The following AKAP7 variants were observed in gnomAD, a reference collection of about 807,000 sequenced individuals.
The protein encoded by AKAP7 is A kinase (PRKA) anchor protein 7.
AKAP7 carries 39 observed loss-of-function variants against 39.5 expected under a neutral mutation model. That is an observed-to-expected ratio of 0.99 (90% CI 0.76 to 1.29). The LOEUF is 1.29. AKAP7 is among the 50% of genes most tolerant of loss of function. The pLI is 0.00. For missense variants in AKAP7, 414 were observed against 407.7 expected, an observed-to-expected ratio of 1.02 and a Z score of -0.13; for synonymous variants, 140 against 139.1, an observed-to-expected ratio of 1.01 and a Z score of -0.05.
intron 2 of AKAP7, among the ~76,000 whole-genome samples, chr6:131,148,618 C>T (rs922281893): frequency 1.5e-4 from 23 of 152,120 alleles, no homozygotes; most frequent in African/African-American, 5.3e-4. Context: ...ACAACTTACT[C>T]TCTCAGTTTT....
At chr6:131,152,993 G>A (rs1347069647) in intron 2 of AKAP7, among the ~76,000 whole-genome samples, 2 of 152,032 alleles carry the variant, frequency 1.3e-5, no homozygotes, top group African/African-American at 4.8e-5. Flanking sequence ...AGCTGGGCAT[G>A]GTGGCGTGTG....
At chr6:131,226,147 C>A (rs186474001) in intron 7 of AKAP7, among the ~76,000 whole-genome samples, 1 of 152,314 alleles carries the variant, frequency 6.6e-6, no homozygotes, top group African/African-American at 2.4e-5. Flanking sequence ...CCCACTTACC[C>A]TGTTGTTCTT....
chr6:131,175,353 G>T (rs1804477347), intron 5 of AKAP7, among the ~76,000 whole-genome samples: 1 of 152,116 alleles, frequency 6.6e-6, no homozygotes, highest in Non-Finnish European at 1.5e-5. Flanking sequence ...TCAAACCTGT[G>T]TTGTTCAAAG....
At chr6:131,246,651 G>A (rs1432183765) in intron 7 of AKAP7, among the ~76,000 whole-genome samples, 1 of 152,126 alleles carries the variant, frequency 6.6e-6, no homozygotes, top group Non-Finnish European at 1.5e-5. Flanking sequence ...CCAAGATGTG[G>A]CAGGCAACAG....
Position 131,282,235 on chromosome 6 carries a change from T to TCGG in AKAP7, c.*509_*510insCGG. 1 of 1,345,018 alleles carries TCGG rather than the reference T, an allele frequency of 7.4e-7. No homozygotes were observed. The highest frequency in any genetic ancestry group is 2.8e-5 in the East Asian group (1 of 36,344). The allele number at this position is 1,345,018 out of a possible 1,614,324, so 83.3% of individuals were successfully genotyped here. A position where few individuals can be genotyped will look rare whatever the true frequency, so the allele number is the denominator to read the frequency against. ...TGTGCTGTTGCTATGCAGTGTGATC[T>TCGG]TTATTTATAGTAAATTATGTTTCAT... On this transcript the variant is annotated 3_prime_UTR_variant, in exon 8 of 8. Transcript: ENST00000431975.
At chr6:131,133,588 T>A (rs1800375048), upstream of AKAP7, among the ~76,000 whole-genome samples, 1 of 152,236 alleles carries the variant, frequency 6.6e-6, no homozygotes, top group African/African-American at 2.4e-5. Context: ...GCATTTGGGC[T>A]GTTACCTCTG....
intron 5 of AKAP7, chr6:131,184,392 C>T: frequency 1.5e-6 from 1 of 663,130 alleles, no homozygotes; most frequent in Non-Finnish European, 2.9e-6. Flanking sequence ...CAGGTGGCAC[C>T]TCCAACTTCC....
chr6:131,270,146 A>C (rs1266010636), intron 7 of AKAP7, among the ~76,000 whole-genome samples: 1 of 152,216 alleles, frequency 6.6e-6, no homozygotes, highest in Non-Finnish European at 1.5e-5. Context: ...TGTCAGTTGT[A>C]ATCAGCACAG....
intron 6 of AKAP7, among the ~76,000 whole-genome samples, chr6:131,217,969 A>C (rs1009892357): frequency 6.6e-6 from 1 of 152,118 alleles, no homozygotes; most frequent in Non-Finnish European, 1.5e-5. Context: ...ATTTACTTTG[A>C]ATGTTTTTAT....
At chr6:131,131,958 T>C (rs1372948332), upstream of AKAP7, among the ~76,000 whole-genome samples, 1 of 152,200 alleles carries the variant, frequency 6.6e-6, no homozygotes, top group Non-Finnish European at 1.5e-5. Context: ...TTAAAAATCT[T>C]AAAAATCCCT....
In AKAP7 at chr6:131,185,309, T is replaced by A. The variant is rs188817612; in HGVS notation, c.590-14152T>A. 26 of 487,942 alleles carry A rather than the reference T, an allele frequency of 5.3e-5. 1 individual carries two copies. The highest frequency in any genetic ancestry group is 4.2e-4 in the South Asian group (23 of 54,444). 30.2% of individuals were successfully genotyped at this position (487,942 alleles called of 1,614,324 possible). A position where few individuals can be genotyped will look rare whatever the true frequency, so the allele number is the denominator to read the frequency against. On this transcript the variant is annotated intron_variant, in intron 5 of 7. Transcript: ENST00000431975. The stretch of plus-strand genomic sequence containing the variant: ...CCAGAGGCCAATCCTAGAACCTGGT[T>A]ACTTCTTCATCCAGCTGTAATAATT...
intron 7 of AKAP7, among the ~76,000 whole-genome samples, chr6:131,247,669 C>T (rs1469467710): frequency 6.6e-6 from 1 of 152,010 alleles, no homozygotes; most frequent in Non-Finnish European, 1.5e-5. Context: ...CACTCCTGCA[C>T]TCAGGCTGGA....
At position 131,145,368 on chromosome 6, in the gene AKAP7, C is replaced by G. The variant is rs1216641341; in HGVS notation, c.103C>G (p.Leu35Val). 1.3e-6 allele frequency: 2 copies of G among 1,568,608 alleles called. No individual in the cohort carries two copies. Among genetic ancestry groups the G allele is most frequent in the Non-Finnish European group, 1.7e-6 (2 of 1,156,320 alleles). ...EEFEANTMDS[L>V]VDMPFATVDI... ...ATTTGAAGCCAATACTATGGATTCT[C>G]TGGTAGACATGCCATTTGCTACTGT... Residue 35 changes from leucine to valine, a missense_variant, in exon 2 of 8, where the codon CTG becomes GTG. By Grantham distance (32) the Leu-to-Val change is conservative (BLOSUM62 1). Transcript: ENST00000431975.
In AKAP7 at chr6:131,281,600, G is replaced by A. The variant is rs780216925; in HGVS notation, c.921G>A (p.Ala307=). ...TCAGTAAGAGGCTGGTGGAGAACGCGGTGCTCAAGGCTGTCCAGCAGTATC... is the reference window on the plus strand; with the variant it reads ...TCAGTAAGAGGCTGGTGGAGAACGCAGTGCTCAAGGCTGTCCAGCAGTATC... ...VRLSKRLVEN[A]VLKAVQQYLE... The change falls in exon 8 of 8, where the codon GCG becomes GCA. Residue 307 remains alanine, a synonymous_variant. Transcript: ENST00000431975. The surrounding 1 kb of genome is among the most constrained non-coding windows in gnomAD (Gnocchi z 4.0). 6.8e-6 allele frequency: 11 copies of A among 1,613,474 alleles called. 1 individual carries two copies. The highest frequency in any genetic ancestry group is 1.6e-4 in the Middle Eastern group (1 of 6,062).
intron 2 of AKAP7, among the ~76,000 whole-genome samples, chr6:131,151,839 A>G (rs1399589559): frequency 6.6e-6 from 1 of 152,238 alleles, no homozygotes; most frequent in East Asian, 1.9e-4. Flanking sequence ...TTAGCTGCCT[A>G]AATAACAAGA....
At chr6:131,127,938 T>C in the AKAP7 span, among the ~76,000 whole-genome samples, 1 of 152,108 alleles carries the variant, frequency 6.6e-6, no homozygotes, top group Non-Finnish European at 1.5e-5. Flanking sequence ...GAAAACCAAA[T>C]ACTGCATGTT....
At chr6:131,132,410 A>C (rs1800348700), upstream of AKAP7, among the ~76,000 whole-genome samples, 1 of 152,106 alleles carries the variant, frequency 6.6e-6, no homozygotes, top group Non-Finnish European at 1.5e-5. Flanking sequence ...GTTCACCTGC[A>C]GCACGACTCA....
intron 1 of AKAP7, among the ~76,000 whole-genome samples, chr6:131,141,883 ATTTC>A (rs968175165): frequency 1.1e-4 from 16 of 147,834 alleles, no homozygotes; most frequent in East Asian, 2.0e-4. Flanking sequence ...GATAGAAGAA[ATTTC>A]TTTCTTTCTT....
chr6:131,235,379 G>A (rs1327946064), intron 7 of AKAP7, among the ~76,000 whole-genome samples: 1 of 152,206 alleles, frequency 6.6e-6, no homozygotes, highest in Non-Finnish European at 1.5e-5. Flanking sequence ...ACGTGTGCAT[G>A]TGTCTTTATA....
Sources: allele counts gnomAD v4.1 joint callset (sites outside exome capture counted in the v4.1 genomes callset), GRCh38; gene constraint gnomAD v4.1.1; non-coding constraint Gnocchi (gnomAD v3.1); transcripts MANE v1.5; gene names NCBI Gene and HGNC (gene_info 2026-07-23, HGNC 2026-07-21).